Variants in NCS1 observed in about 807,000 individuals in gnomAD.
NCS1 encodes frequenin homolog.
Under a neutral mutation model 28.4 loss-of-function variants are expected in NCS1, and 6 were observed. That is an observed-to-expected ratio of 0.21 (90% confidence interval 0.12 to 0.42). The LOEUF is 0.42. Ranked by LOEUF, NCS1 falls within the 10% of genes least tolerant of loss-of-function variation. NCS1 has a pLI of 1.00. For missense variants in NCS1, 131 were observed against 241.4 expected, an observed-to-expected ratio of 0.54 and a Z score of 3.03; for synonymous variants, 86 against 99.3, an observed-to-expected ratio of 0.87 and a Z score of 0.79.
At chr9:130,193,057 C>T (rs1445070462) in intron 1 of NCS1, among the ~76,000 whole-genome samples, 2 of 152,220 alleles carry the variant, frequency 1.3e-5, no homozygotes, top group African/African-American at 4.8e-5. Context: ...AGGAACTGCC[C>T]CTCCCCAGGG....
intron 1 of NCS1, among the ~76,000 whole-genome samples, chr9:130,183,315 G>A (rs1414063611): frequency 2.6e-5 from 4 of 152,118 alleles, no homozygotes; most frequent in South Asian, 2.1e-4. Context: ...CTGGGGGGGG[G>A]AGCTCCTTGC....
At chr9:130,182,299 C>T (rs924564423) in intron 1 of NCS1, among the ~76,000 whole-genome samples, 16 of 152,292 alleles carry the variant, frequency 1.1e-4, no homozygotes, top group Admixed American at 3.3e-4. Flanking sequence ...CCTTCCCACC[C>T]GGCGCCTGCC....
At chr9:130,189,955 T>A (rs1832795620) in intron 1 of NCS1, among the ~76,000 whole-genome samples, 2 of 145,774 alleles carry the variant, frequency 1.4e-5, no homozygotes, top group Non-Finnish European at 3.0e-5. Context: ...TGTGGCTTAC[T>A]TCCTTTTGGA....
chr9:130,211,609 C>T (rs992592130), intron 2 of NCS1, among the ~76,000 whole-genome samples: 10 of 151,976 alleles, frequency 6.6e-5, no homozygotes, highest in East Asian at 3.9e-4. Context: ...TGGGCAGGGC[C>T]AGGAGAGCCG....
Position 130,191,532 on chromosome 9 carries a change from G to A in NCS1, c.65-9426G>A, listed in dbSNP as rs574410097. 2.6e-5 allele frequency among the ~76,000 whole-genome samples: 4 copies of A among 152,338 alleles called. No individual in the cohort carries two copies. Among genetic ancestry groups the A allele is most frequent in the African/African-American group, 9.6e-5 (4 of 41,580 alleles). On this transcript the variant is annotated intron_variant, in intron 1 of 7. Coordinates refer to ENST00000372398, the MANE Select transcript of NCS1 (RefSeq NM_014286.4). The surrounding 1 kb of genome is among the most constrained non-coding windows in gnomAD (Gnocchi z 6.4). ...GATGTAAGGAAGGGAAGTGGGGGCC[G>A]GTAGGGGGTGGTCAGAGCCTGGTCA...
chr9:130,225,664 C>A (rs561225150), intron 6 of NCS1, among the ~76,000 whole-genome samples: 2 of 152,326 alleles, frequency 1.3e-5, no homozygotes, highest in Non-Finnish European at 2.9e-5. Flanking sequence ...TTGGCTTGGC[C>A]GTGAGGGTTC....
At chr9:130,189,926 G>A (rs1832795169) in intron 1 of NCS1, among the ~76,000 whole-genome samples, 1 of 132,166 alleles carries the variant, frequency 7.6e-6, no homozygotes, top group Non-Finnish European at 1.5e-5. Flanking sequence ...GGTCTCGAAG[G>A]CCCCAAAGAG....
intron 1 of NCS1, among the ~76,000 whole-genome samples, chr9:130,195,553 A>C (rs1286741927): frequency 1.3e-5 from 2 of 151,864 alleles, no homozygotes; most frequent in African/African-American, 4.8e-5. Flanking sequence ...CCTCCGTGGT[A>C]GCTGGGATTA....
At chr9:130,174,698 C>T (rs2060768587) in intron 1 of NCS1, among the ~76,000 whole-genome samples, 1 of 150,072 alleles carries the variant, frequency 6.7e-6, no homozygotes, top group Admixed American at 6.8e-5. Context: ...GTAATCCCAG[C>T]TACTCGGGAG....
chr9:130,217,696 G>T (rs1432233271), intron 2 of NCS1, 136 bp from the exon 3 acceptor site: 2 of 1,308,576 alleles, frequency 1.5e-6, no homozygotes, highest in African/African-American at 2.9e-5. Context: ...TGCCTATCAA[G>T]TCCATGGCCC....
intron 2 of NCS1, among the ~76,000 whole-genome samples, chr9:130,203,655 C>T (rs1554907721): frequency 6.6e-6 from 1 of 152,154 alleles, no homozygotes; most frequent in African/African-American, 2.4e-5. Context: ...AAGGAGGGGA[C>T]ACCAGGAGCT....
intron 1 of NCS1, 88 bp downstream of exon 1, chr9:130,172,815 C>T: frequency 1.5e-6 from 1 of 666,738 alleles, no homozygotes; most frequent in Non-Finnish European, 2.1e-6. Flanking sequence ...GCGCGCTACC[C>T]GCTCCGCGCT....
chr9:130,196,520 C>G (rs1832880282), intron 1 of NCS1, among the ~76,000 whole-genome samples: 1 of 152,236 alleles, frequency 6.6e-6, no homozygotes, highest in Non-Finnish European at 1.5e-5. Context: ...GGATGGAACA[C>G]TTGAGGTCAG....
intron 7 of NCS1, among the ~76,000 whole-genome samples, chr9:130,231,480 T>G (rs1011016989): frequency 6.6e-6 from 1 of 152,038 alleles, no homozygotes; most frequent in Non-Finnish European, 1.5e-5. Context: ...GCCTCCTGGA[T>G]TCAAGCGATT....
At chr9:130,189,788 G>A (rs1166336293) in intron 1 of NCS1, among the ~76,000 whole-genome samples, 1 of 146,920 alleles carries the variant, frequency 6.8e-6, no homozygotes, top group Non-Finnish European at 1.5e-5. Context: ...GAAGGTGGAG[G>A]TTGCAGTGAC....
Position 130,175,854 on chromosome 9 carries a change from C to G in NCS1, c.64+3127C>G, listed in dbSNP as rs1832556046. On this transcript the variant is annotated intron_variant, in intron 1 of 7. Coordinates refer to ENST00000372398, the MANE Select transcript of NCS1 (RefSeq NM_014286.4). The surrounding 1 kb of genome is among the most constrained non-coding windows in gnomAD (Gnocchi z 4.9). ...CAGCCAAGACTTAGACAGTGGCAGT[C>G]AGCATTGCGGGCGGCCCAGTTTCTT... is the stretch of plus-strand genomic sequence containing the variant. Among the ~76,000 whole-genome samples the G allele has an allele frequency of 6.6e-6, 1 of 152,208 alleles. No individual in the cohort carries two copies. Among genetic ancestry groups the G allele is most frequent in the Non-Finnish European group, 1.5e-5 (1 of 68,046 alleles).
chr9:130,225,432 G>A lies in NCS1; in HGVS notation c.475-957G>A, dbSNP rs534185511. 2.0e-5 allele frequency among the ~76,000 whole-genome samples: 3 copies of A among 152,378 alleles called. No individual in the cohort carries two copies. In the East Asian group the frequency reaches 5.8e-4, roughly 29 times the overall value. On this transcript the variant is annotated intron_variant, in intron 6 of 7. Coordinates refer to ENST00000372398, the MANE Select transcript of NCS1 (RefSeq NM_014286.4). ...CAGAGTGTGGAGCACGGAATAATAAGTTTCTCGTGGTGTGCGTCCACGTGG... is the reference window on the plus strand; with the variant it reads ...CAGAGTGTGGAGCACGGAATAATAAATTTCTCGTGGTGTGCGTCCACGTGG...
chr9:130,185,140 GA>G (rs1554905510), intron 1 of NCS1, among the ~76,000 whole-genome samples: 1 of 152,202 alleles, frequency 6.6e-6, no homozygotes, highest in African/African-American at 2.4e-5. Context: ...TTCCAGGGGG[GA>G]TGTCCTTGGG....
chr9:130,191,834 C>T lies in NCS1; in HGVS notation c.65-9124C>T, dbSNP rs942201266. Among the ~76,000 whole-genome samples the T allele has an allele frequency of 3.4e-4, 52 of 152,296 alleles. No homozygotes were observed. Among genetic ancestry groups the T allele is most frequent in the African/African-American group, 1.0e-3 (42 of 41,562 alleles). ...GGGCCCGCCCACCTTTCCTGCCAGC[C>T]GCTGTGTGCCCCAGCCCAGTGCTGG... On this transcript the variant is annotated intron_variant, in intron 1 of 7. Transcript: ENST00000372398. This position sits in a 1 kb window ranked among gnomAD's most constrained non-coding sequence, Gnocchi z 6.4.
Sources: allele counts gnomAD v4.1 joint callset (sites outside exome capture counted in the v4.1 genomes callset), GRCh38; gene constraint gnomAD v4.1.1; non-coding constraint Gnocchi (gnomAD v3.1); transcripts MANE v1.5; gene names NCBI Gene and HGNC (gene_info 2026-07-23, HGNC 2026-07-21).